SNX29: variants seen among roughly 807,000 people sequenced by gnomAD.
SNX29 encodes the protein sorting nexin-29.
A neutral mutation model predicts 102.1 loss-of-function variants in SNX29; 78 were observed. The ratio of observed to expected loss-of-function variants is 0.76; its 90% CI spans 0.64 to 0.92. SNX29 has a LOEUF of 0.92. Ranked by LOEUF, SNX29 falls within the 40% of genes least tolerant of loss-of-function variation. The pLI is 0.00. For synonymous variants in SNX29, 580 were observed against 414.5 expected (o/e 1.40, Z -4.85); for missense variants, 1,280 against 1,061.7 (o/e 1.21, Z -2.86).
intron 15 of SNX29, among the ~76,000 whole-genome samples, chr16:12,318,311 G>A (rs928743241): frequency 6.6e-6 from 1 of 152,214 alleles, no homozygotes; most frequent in Non-Finnish European, 1.5e-5. Context: ...CTGCCCAGAG[G>A]CCCCTTTGGC....
chr16:12,239,829 A>T (rs1328652448), intron 14 of SNX29, among the ~76,000 whole-genome samples: 1 of 152,042 alleles, frequency 6.6e-6, no homozygotes, highest in Non-Finnish European at 1.5e-5. Flanking sequence ...CAAAAAAAAA[A>T]ATCCTGATTA....
intron 16 of SNX29, among the ~76,000 whole-genome samples, chr16:12,366,225 C>T (rs1054728794): frequency 7.9e-5 from 12 of 152,230 alleles, no homozygotes; most frequent in African/African-American, 2.2e-4. Context: ...GGGTCACACA[C>T]GGGGGTGCTC....
intron 16 of SNX29, among the ~76,000 whole-genome samples, chr16:12,394,515 T>A (rs919641756): frequency 2.0e-5 from 3 of 152,232 alleles, no homozygotes; most frequent in African/African-American, 7.2e-5. Context: ...GCTATTTTTT[T>A]ATCTCTCATG....
intron 14 of SNX29, among the ~76,000 whole-genome samples, chr16:12,258,274 G>A (rs2078633176): frequency 6.6e-6 from 1 of 152,188 alleles, no homozygotes; most frequent in East Asian, 1.9e-4. Context: ...CCTCGTCTCT[G>A]TGTGTACCTT....
At chr16:12,369,223 C>T (rs956869128) in intron 16 of SNX29, among the ~76,000 whole-genome samples, 4 of 151,984 alleles carry the variant, frequency 2.6e-5, no homozygotes, top group Non-Finnish European at 4.4e-5. Flanking sequence ...ACAACCTCCG[C>T]CTCCTAGGTT....
chr16:12,251,976 G>C (rs2078435788), intron 14 of SNX29, among the ~76,000 whole-genome samples: 1 of 152,066 alleles, frequency 6.6e-6, no homozygotes, highest in Non-Finnish European at 1.5e-5. Flanking sequence ...GCTCAGGCTG[G>C]TGTCGAACTC....
chr16:12,559,982 A>G (rs947643655), intron 20 of SNX29, among the ~76,000 whole-genome samples: 2 of 152,218 alleles, frequency 1.3e-5, no homozygotes, highest in East Asian at 1.9e-4. Flanking sequence ...CCACCACGAA[A>G]AAAAGATTTT....
intron 3 of SNX29, among the ~76,000 whole-genome samples, chr16:12,024,260 T>C (rs1050184344): frequency 5.9e-5 from 9 of 151,794 alleles, no homozygotes; most frequent in Admixed American, 2.0e-4. Context: ...TGCCTCAGCC[T>C]CCAGAGTAGC....
chr16:12,295,609 A>G (rs1246917056), intron 15 of SNX29, among the ~76,000 whole-genome samples: 1 of 152,196 alleles, frequency 6.6e-6, no homozygotes, highest in Non-Finnish European at 1.5e-5. Flanking sequence ...TTTCAGTACC[A>G]AAAACTCAGC....
chr16:12,276,688 T>A (rs1211914502), intron 14 of SNX29, among the ~76,000 whole-genome samples: 5 of 152,234 alleles, frequency 3.3e-5, no homozygotes, highest in African/African-American at 9.7e-5. Flanking sequence ...ATGCTGTGGA[T>A]GTTTTTCTTT....
rs779892919 is a variant in SNX29 at position 12,568,654 on chromosome 16, C to A, written c.*25C>A. On this transcript the variant is annotated 3_prime_UTR_variant, in exon 21 of 21. Coordinates refer to ENST00000566228, the MANE Select transcript of SNX29 (RefSeq NM_032167.5). ...ACCTCGACAAAACCGCAGCCACGGG[C>A]CCTGTGCGTGGCACCAGCTGCGTCC... 2 of 1,598,678 alleles carry A rather than the reference C, an allele frequency of 1.3e-6. No homozygotes were observed. Among genetic ancestry groups the A allele is most frequent in the Non-Finnish European group, 1.7e-6 (2 of 1,178,964 alleles).
Position 12,036,009 on chromosome 16 carries a change from C to T in SNX29, c.248-6888C>T, listed in dbSNP as rs141347253. Among the ~76,000 whole-genome samples, 496 of 152,316 alleles carry T rather than the reference C, an allele frequency of 3.3e-3. 2 individuals carry two copies. Among genetic ancestry groups the T allele is most frequent in the African/African-American group, 0.011 (461 of 41,572 alleles). On this transcript the variant is annotated intron_variant, in intron 4 of 20. Transcript: ENST00000566228. The stretch of plus-strand genomic sequence containing the variant: ...GGCCTGACATAGCCTTTGTATCTAT[C>T]ACTGGCCTATTTCCAGACTAGCCCA...
Position 12,058,057 on chromosome 16 carries a change from T to A in SNX29, c.1125-3471T>A, listed in dbSNP as rs567666814. ...TGGTCTCAAAACTCCTGACCTCAGG[T>A]GATCTGCCCACCTTGGCCTCCCAAA... On this transcript the variant is annotated intron_variant, in intron 8 of 20. Coordinates refer to ENST00000566228, the MANE Select transcript of SNX29 (RefSeq NM_032167.5). 2.6e-5 allele frequency among the ~76,000 whole-genome samples: 4 copies of A among 152,204 alleles called. No individual in the cohort carries two copies. In the East Asian group the frequency reaches 7.7e-4, roughly 29 times the overall value.
intron 4 of SNX29, among the ~76,000 whole-genome samples, chr16:12,040,031 T>A (rs1320084600): frequency 6.6e-6 from 1 of 152,152 alleles, no homozygotes; most frequent in Non-Finnish European, 1.5e-5. Context: ...GTGAAGAAAA[T>A]TGATCACAAA....
At chr16:12,553,147 G>A (rs971664314) in intron 20 of SNX29, among the ~76,000 whole-genome samples, 2 of 152,316 alleles carry the variant, frequency 1.3e-5, no homozygotes, top group Admixed American at 6.5e-5. Flanking sequence ...TCACAGCTCT[G>A]GGGTCCTTCC....
chr16:12,298,588 A>C (rs535059771), intron 15 of SNX29, among the ~76,000 whole-genome samples: 5 of 152,292 alleles, frequency 3.3e-5, no homozygotes, highest in Admixed American at 2.0e-4. Flanking sequence ...ATTTAGAAGA[A>C]TGTCTGGCCC....
At chr16:12,250,796 C>A (rs1292757780) in intron 14 of SNX29, among the ~76,000 whole-genome samples, 1 of 151,294 alleles carries the variant, frequency 6.6e-6, no homozygotes, top group East Asian at 1.9e-4. Flanking sequence ...CATCTGAGCT[C>A]AGTGCAGAAA....
chr16:12,145,679 C>G (rs938379463), intron 13 of SNX29, among the ~76,000 whole-genome samples: 4 of 152,096 alleles, frequency 2.6e-5, no homozygotes, highest in African/African-American at 9.7e-5. Context: ...TCAGGTCATT[C>G]TGAATCTATA....
intron 20 of SNX29, among the ~76,000 whole-genome samples, chr16:12,549,084 CCT>C (rs2077795848): frequency 6.6e-6 from 1 of 152,274 alleles, no homozygotes; most frequent in African/African-American, 2.4e-5. Context: ...TGTTCGGCTC[CCT>C]GTTACAGTGT....
Sources: gnomAD v4.1 joint callset for allele counts (sites outside exome capture counted in the v4.1 genomes callset) on GRCh38, gnomAD v4.1.1 for gene constraint, MANE v1.5 for transcripts, NCBI Gene and HGNC (gene_info 2026-07-23, HGNC 2026-07-21) for gene names.